The following MLST8 variants were observed in gnomAD, a reference collection of about 807,000 sequenced individuals.
MLST8 encodes target of rapamycin complex subunit LST8.
In MLST8, 20 loss-of-function variants were observed where a neutral mutation model predicts 41.3. The ratio of observed to expected loss-of-function variants is 0.48; its 90% CI spans 0.34 to 0.70. The LOEUF (loss-of-function observed/expected upper bound fraction) is 0.70. MLST8 is among the 30% of genes least tolerant of loss of function. The probability of loss-of-function intolerance (pLI) is 0.01; values close to 1 mark genes in which losing one functional copy is unlikely to be tolerated. For missense variants in MLST8, 422 were observed against 454.3 expected, an observed-to-expected ratio of 0.93 and a Z score of 0.65; for synonymous variants, 243 against 183.0, an observed-to-expected ratio of 1.33 and a Z score of -2.65.
At position 2,209,001 on chromosome 16, in the gene MLST8, C is replaced by T. The variant is rs893644390; in HGVS notation, c.*124C>T. 73 of 1,071,704 alleles carry T rather than the reference C, an allele frequency of 6.8e-5. No homozygotes were observed. The highest frequency in any genetic ancestry group is 8.7e-5 in the Non-Finnish European group (63 of 722,200). The allele number at this position is 1,071,704 out of a possible 1,614,324, so 66.4% of individuals were successfully genotyped here. A position where few individuals can be genotyped will look rare whatever the true frequency, so the allele number is the denominator to read the frequency against. ...AGCTGGACCTGATGGCCCCCTGTGG[C>T]GCCTTGACCTGCTGGGCCAGGCTGC... is the stretch of plus-strand genomic sequence containing the variant. On this transcript the variant is annotated 3_prime_UTR_variant, in exon 9 of 9. Transcript: ENST00000569417.
chr16:2,205,951 C>G (rs1443510798), intron 1 of MLST8, 80 bp from the exon 2 acceptor site: 6 of 1,459,210 alleles, frequency 4.1e-6, no homozygotes, highest in Admixed American at 2.4e-5. Flanking sequence ...ATGATAAGCG[C>G]CATTCGGCAG....
chr16:2,207,209 G>A lies in MLST8; in HGVS notation c.437G>A (p.Gly146Asp). ...LHPNQAELIV[G>D]DQSGAIHIWD... is the part of the protein sequence containing the mutation. ...GCACCCCAGGCAGAGCTCATCGTGG[G>A]TGACCAGAGCGGGGCTATCCACATC... Residue 146 changes from glycine to aspartate, a missense_variant, in exon 6 of 9, where the codon GGT (glycine) becomes GAT (aspartate). Coordinates refer to ENST00000569417, the MANE Select transcript of MLST8 (RefSeq NM_022372.6). The A allele has an allele frequency of 6.2e-7, 1 of 1,614,094 alleles. No individual in the cohort carries two copies. The highest frequency in any genetic ancestry group is 8.5e-7 in the Non-Finnish European group (1 of 1,179,970).
intron 1 of MLST8, 60 bp downstream of exon 1, chr16:2,205,572 C>A (rs2093263896): frequency 3.8e-5 from 25 of 661,986 alleles, no homozygotes; most frequent in Non-Finnish European, 4.5e-5. Context: ...GAGAGCACGG[C>A]CAGGGGAAGC....
chr16:2,209,030 G>T lies in MLST8; in HGVS notation c.*153G>T, dbSNP rs1054830563. On this transcript the variant is annotated 3_prime_UTR_variant, in exon 9 of 9. Transcript: ENST00000569417. ...TTGACCTGCTGGGCCAGGCTGCCCT[G>T]GGACTCTCAGCCCCCAGTTGCTTAT... 9.9e-6 allele frequency: 8 copies of T among 810,202 alleles called. No homozygotes were observed. The highest frequency in any genetic ancestry group is 1.6e-5 in the Non-Finnish European group (8 of 498,514). The allele number at this position is 810,202 out of a possible 1,614,324, so 50.2% of individuals were successfully genotyped here. A position where few individuals can be genotyped will look rare whatever the true frequency, so the allele number is the denominator to read the frequency against.
Position 2,209,345 on chromosome 16 carries a change from TGGGCCAGGTC to T in MLST8, c.*472_*481del. The T allele has an allele frequency of 6.2e-7, 1 of 1,604,722 alleles. No individual in the cohort carries two copies. Among genetic ancestry groups the T allele is most frequent in the South Asian group, 1.1e-5 (1 of 90,604 alleles). ...CCACTGGATTGGGGACGGGCCAGGC[TGGGCCAGGTC>T]GGGGGCTCAGTCTGGGAGGTAATAA... On this transcript the variant is annotated 3_prime_UTR_variant, in exon 9 of 9. Transcript: ENST00000569417.
At chr16:2,207,870 C>T (rs184154804) in intron 6 of MLST8, 294 of 269,310 alleles carry the variant, frequency 1.1e-3, no homozygotes, top group South Asian at 2.9e-3. Flanking sequence ...ATCACTTGTA[C>T]CTCTTGCCCC....
At chr16:2,206,903 C>G (rs968466482) in intron 4 of MLST8, 132 bp from the exon 5 acceptor site, 3 of 1,238,550 alleles carry the variant, frequency 2.4e-6, no homozygotes, top group South Asian at 2.5e-5. Flanking sequence ...GAGCAGAGGG[C>G]CCTGCGTCCC....
At chr16:2,208,365 G>T (rs748754914) in intron 7 of MLST8, 31 bp downstream of exon 7, 3 of 1,605,418 alleles carry the variant, frequency 1.9e-6, no homozygotes, top group South Asian at 2.2e-5. Flanking sequence ...CCCGGGAGGG[G>T]ACCTGCCTGG....
In MLST8 at chr16:2,209,234, A is replaced by G; in HGVS notation, c.*357A>G. Reference sequence around the variant, plus strand: ...CCCGCGTTTCAGGGCCTCGGTCCATAGAGAACACCACCACCATGGCCAGGT... The same window carrying G: ...CCCGCGTTTCAGGGCCTCGGTCCATGGAGAACACCACCACCATGGCCAGGT... On this transcript the variant is annotated 3_prime_UTR_variant, in exon 9 of 9. Transcript: ENST00000569417. The G allele has an allele frequency of 1.1e-6, 1 of 905,058 alleles. No individual in the cohort carries two copies. Among genetic ancestry groups the G allele is most frequent in the Non-Finnish European group, 1.7e-6 (1 of 594,608 alleles). The allele number at this position is 905,058 out of a possible 1,614,324, so 56.1% of individuals were successfully genotyped here.
At position 2,208,483 on chromosome 16, in the gene MLST8, C is replaced by G; in HGVS notation, c.732C>G (p.Cys244Trp). The change falls in exon 8 of 9, where the codon TGC (cysteine) becomes TGG (tryptophan). Residue 244 changes from cysteine (C) to tryptophan (W), a missense_variant. Transcript: ENST00000569417. ...CCACCTGCTCGGCTGATCAGACGTG[C>G]AAGATCTGGAGGACGTCCAACTTCT... is the stretch of plus-strand genomic sequence containing the variant. The part of the protein sequence containing the change: ...LLATCSADQT[C>W]KIWRTSNFSL... The G allele has an allele frequency of 6.2e-7, 1 of 1,613,298 alleles. No homozygotes were observed. The highest frequency in any genetic ancestry group is 8.5e-7 in the Non-Finnish European group (1 of 1,179,918).
chr16:2,207,253 C>A lies in MLST8; in HGVS notation c.481C>A (p.His161Asn). 1 of 1,614,172 alleles carries A rather than the reference C, an allele frequency of 6.2e-7. No homozygotes were observed. Among genetic ancestry groups the A allele is most frequent in the East Asian group, 2.2e-5 (1 of 44,874 alleles). ...AIHIWDLKTD[H>N]NEQLIPEPEV... is the part of the protein sequence containing the mutation. ...CCACATCTGGGACTTGAAAACAGACCACAACGAGCAGCTGATCCCTGAGCC... is the reference window on the plus strand; with the variant it reads ...CCACATCTGGGACTTGAAAACAGACAACAACGAGCAGCTGATCCCTGAGCC... The change falls in exon 6 of 9, where the codon CAC (histidine) becomes AAC (asparagine). Residue 161 changes from histidine (H) to asparagine (N), a missense_variant. Coordinates refer to ENST00000569417, the MANE Select transcript of MLST8 (RefSeq NM_022372.6).
Position 2,209,012 on chromosome 16 carries a change from G to A in MLST8, c.*135G>A. ...ATGGCCCCCTGTGGCGCCTTGACCT[G>A]CTGGGCCAGGCTGCCCTGGGACTCT... On this transcript the variant is annotated 3_prime_UTR_variant, in exon 9 of 9. Coordinates refer to ENST00000569417, the MANE Select transcript of MLST8 (RefSeq NM_022372.6). 1.1e-6 allele frequency: 1 copy of A among 929,974 alleles called. No individual in the cohort carries two copies. Among genetic ancestry groups the A allele is most frequent in the Non-Finnish European group, 1.7e-6 (1 of 599,470 alleles). The allele number at this position is 929,974 out of a possible 1,614,324, so 57.6% of individuals were successfully genotyped here.
intron 6 of MLST8, chr16:2,207,805 C>G: frequency 4.3e-6 from 1 of 230,414 alleles, no homozygotes; most frequent in Non-Finnish European, 8.5e-6. Context: ...TGGCGTGGCC[C>G]CTGCTCTTCT....
In MLST8 at chr16:2,209,396, C is replaced by G. The variant is rs1305179794; in HGVS notation, c.*519C>G. Reference sequence around the variant, plus strand: ...GAGGTAATAAAAGCAGACCGACACGCAGATGTTGCTCGGGAAGCAGATGTC... The same window carrying G: ...GAGGTAATAAAAGCAGACCGACACGGAGATGTTGCTCGGGAAGCAGATGTC... On this transcript the variant is annotated 3_prime_UTR_variant, in exon 9 of 9. Coordinates refer to ENST00000569417, the MANE Select transcript of MLST8 (RefSeq NM_022372.6). 6.2e-7 allele frequency: 1 copy of G among 1,613,810 alleles called. No homozygotes were observed. The highest frequency in any genetic ancestry group is 8.5e-7 in the Non-Finnish European group (1 of 1,179,966).
Position 2,208,237 on chromosome 16 carries a change from G to C in MLST8, c.601G>C (p.Gly201Arg), listed in dbSNP as rs764633818. Residue 201 changes from glycine to arginine, a missense_variant, in exon 7 of 9, where the codon GGG (glycine) becomes CGG (arginine). By Grantham distance (125) the Gly-to-Arg change is moderately radical. Transcript: ENST00000569417. ...TGNCYVWNLT[G>R]GIGDEVTQLI... ...AAACTGCTATGTCTGGAATCTGACG[G>C]GGGGCATTGGTGACGAGGTGACCCA... is the stretch of plus-strand genomic sequence containing the variant. 1 of 1,613,306 alleles carries C rather than the reference G, an allele frequency of 6.2e-7. No individual in the cohort carries two copies. Among genetic ancestry groups the C allele is most frequent in the Non-Finnish European group, 8.5e-7 (1 of 1,179,554 alleles).
chr16:2,206,774 T>A, intron 4 of MLST8, 115 bp downstream of exon 4: 1 of 1,259,958 alleles, frequency 7.9e-7, no homozygotes, highest in Non-Finnish European at 1.1e-6. Context: ...TGTGGGCGAC[T>A]TACTGAGAGA....
Position 2,208,534 on chromosome 16 carries a change from G to C in MLST8, c.783G>C (p.Lys261Asn), listed in dbSNP as rs1484032853. Residue 261 changes from lysine (K) to asparagine (N), a missense_variant, in exon 8 of 9, where the codon AAG becomes AAC. Physicochemically the swap from Lys to Asn is moderately conservative, Grantham distance 94. Coordinates refer to ENST00000569417, the MANE Select transcript of MLST8 (RefSeq NM_022372.6). The stretch of plus-strand genomic sequence containing the variant: ...CCCTGATGACGGAGCTGAGCATCAA[G>C]AGCGGCAACCCCGGGGAGTCCTCCC... ...NFSLMTELSI[K>N]SGNPGESSRG... The C allele has an allele frequency of 1.9e-6, 3 of 1,613,224 alleles. No individual in the cohort carries two copies. Among genetic ancestry groups the C allele is most frequent in the Non-Finnish European group, 2.5e-6 (3 of 1,179,880 alleles).
chr16:2,208,386 G>A (rs2141380653), intron 7 of MLST8, 52 bp downstream of exon 7: 2 of 1,607,342 alleles, frequency 1.2e-6, no homozygotes, highest in Non-Finnish European at 8.5e-7. Context: ...GCTGGGGGCT[G>A]GAGAGGGGAG....
chr16:2,207,027 GC>G lies in MLST8; in HGVS notation c.345-5del. On this transcript the variant is annotated splice_region_variant and splice_polypyrimidine_tract_variant and intron_variant, in intron 4 of 8. Transcript: ENST00000569417. ...GATGGACAGCATGTGCCCCGGCCCGGCCCGCAGGTCCCGGAACCTGCAGTGC... is the reference window on the plus strand; with the variant it reads ...GATGGACAGCATGTGCCCCGGCCCGGCCGCAGGTCCCGGAACCTGCAGTGC... 1 of 1,612,850 alleles carries G rather than the reference GC, an allele frequency of 6.2e-7. No homozygotes were observed. Among genetic ancestry groups the G allele is most frequent in the Non-Finnish European group, 8.5e-7 (1 of 1,179,820 alleles).
Sources: allele counts gnomAD v4.1 joint callset, GRCh38; gene constraint gnomAD v4.1.1; transcripts MANE v1.5; gene names NCBI Gene and HGNC (gene_info 2026-07-23, HGNC 2026-07-21).